Variants in HEPACAM2 observed in about 807,000 individuals in gnomAD.
HEPACAM2 encodes the protein mitotic kinetics regulator.
HEPACAM2 carries 49 observed loss-of-function variants against 49.6 expected under a neutral mutation model. The ratio of observed to expected loss-of-function variants is 0.99; its 90% CI spans 0.78 to 1.25. HEPACAM2 has a LOEUF of 1.25. HEPACAM2 is among the 50% of genes most tolerant of loss of function. HEPACAM2 has a pLI of 0.00. For missense variants in HEPACAM2, 525 were observed against 557.2 expected (o/e 0.94, Z 0.58); for synonymous variants, 197 against 202.9 (o/e 0.97, Z 0.25).
At chr7:93,213,773 C>T (rs1046246119) in intron 3 of HEPACAM2, among the ~76,000 whole-genome samples, 1 of 151,928 alleles carries the variant, frequency 6.6e-6, no homozygotes, top group East Asian at 1.9e-4. Context: ...GCTGAAGGAG[C>T]ACAATGAACC....
chr7:93,197,492 G>A lies in HEPACAM2; in HGVS notation c.1131C>T (p.Pro377=), dbSNP rs912429130. ...TTTGTAATTTTAACCTACCTTTGTA[G>A]GGTTGATATTTTTTCCATAGGAAGA... ...CLLFLWKKYQ[P]YKVIKQKLEG... The change falls in exon 5 of 10, where the codon CCC becomes CCT. Residue 377 remains proline, a synonymous_variant. Transcript: ENST00000394468. 2 of 1,591,644 alleles carry A rather than the reference G, an allele frequency of 1.3e-6. No homozygotes were observed. The highest frequency in any genetic ancestry group is 1.7e-5 in the Admixed American group (1 of 57,272).
chr7:93,208,079 C>T (rs1019591569), intron 4 of HEPACAM2, among the ~76,000 whole-genome samples: 2 of 151,894 alleles, frequency 1.3e-5, no homozygotes, highest in African/African-American at 2.4e-5. Context: ...TTTGTAATTT[C>T]CAAGGTGTTG....
Position 93,192,275 on chromosome 7 carries a change from G to C in HEPACAM2, c.1364C>G (p.Ala455Gly). Residue 455 changes from alanine (A) to glycine (G), a missense_variant, in exon 9 of 10, where the codon GCC becomes GGC. Ala to Gly is a moderately conservative substitution (Grantham distance 60, BLOSUM62 0). Coordinates refer to ENST00000394468, the MANE Select transcript of HEPACAM2 (RefSeq NM_001039372.4). ...TVYEVIQHIP[A>G]QQQDHPE The stretch of plus-strand genomic sequence containing the variant: ...TTACTCTGGATGGTCTTGCTGCTGG[G>C]CAGGGATGTGCTGAATAACTTCATA... 2 of 1,612,082 alleles carry C rather than the reference G, an allele frequency of 1.2e-6. No individual in the cohort carries two copies. The highest frequency in any genetic ancestry group is 1.7e-6 in the Non-Finnish European group (2 of 1,178,586).
At chr7:93,231,420 G>A (rs1794625835), upstream of HEPACAM2, among the ~76,000 whole-genome samples, 1 of 152,312 alleles carries the variant, frequency 6.6e-6, no homozygotes, top group South Asian at 2.1e-4. Context: ...TCTTAGGCAA[G>A]TTCCTTAATT....
chr7:93,215,256 T>A (rs1470921049), intron 3 of HEPACAM2, 145 bp downstream of exon 3: 19 of 676,768 alleles, frequency 2.8e-5, no homozygotes, highest in Non-Finnish European at 4.2e-5. Flanking sequence ...AGACAGTGCC[T>A]AGGAGGTGTG....
At chr7:93,190,245 T>C (rs1322448334) in intron 9 of HEPACAM2, among the ~76,000 whole-genome samples, 1 of 152,022 alleles carries the variant, frequency 6.6e-6, no homozygotes, top group Non-Finnish European at 1.5e-5. Flanking sequence ...TAAATCTGAA[T>C]TCAAATAAAA....
intron 2 of HEPACAM2, among the ~76,000 whole-genome samples, 170 bp from the exon 3 acceptor site, chr7:93,215,855 G>T (rs1348750736): frequency 6.6e-6 from 1 of 152,106 alleles, no homozygotes; most frequent in East Asian, 1.9e-4. Flanking sequence ...AAAAGCCAGG[G>T]AAAATGCAAA....
chr7:93,194,667 A>C (rs1057065112), intron 8 of HEPACAM2, among the ~76,000 whole-genome samples: 13 of 152,084 alleles, frequency 8.5e-5, no homozygotes, highest in Non-Finnish European at 1.8e-4. Context: ...AACCTTATAC[A>C]CTGATAGAAT....
intron 3 of HEPACAM2, among the ~76,000 whole-genome samples, chr7:93,209,367 AGT>A (rs1447725210): frequency 6.6e-6 from 1 of 152,034 alleles, no homozygotes; most frequent in South Asian, 2.1e-4. Context: ...ACATGTATAC[AGT>A]GTGTAATGAT....
chr7:93,189,096 C>T lies in HEPACAM2; in HGVS notation c.*171G>A, dbSNP rs560342689. 3.4e-4 allele frequency: 180 copies of T among 526,080 alleles called. No individual in the cohort carries two copies. The highest frequency in any genetic ancestry group is 5.6e-4 in the Non-Finnish European group (166 of 297,740). 32.6% of individuals were successfully genotyped at this position (526,080 alleles called of 1,614,324 possible). A position where few individuals can be genotyped will look rare whatever the true frequency, so the allele number is the denominator to read the frequency against. On this transcript the variant is annotated 3_prime_UTR_variant, in exon 10 of 10. Coordinates refer to ENST00000394468, the MANE Select transcript of HEPACAM2 (RefSeq NM_001039372.4). ...AAGACATTGTGTATATGCTGAAAAA[C>T]CTGCAGTTCAATTTGCATAAATGCC...
intron 2 of HEPACAM2, among the ~76,000 whole-genome samples, chr7:93,218,572 G>T (rs1399251931): frequency 2.0e-5 from 3 of 152,104 alleles, no homozygotes; most frequent in Non-Finnish European, 4.4e-5. Context: ...CTTGGACATA[G>T]TATATTTTAC....
At chr7:93,225,065 T>A (rs1291893979) in intron 1 of HEPACAM2, among the ~76,000 whole-genome samples, 1 of 152,144 alleles carries the variant, frequency 6.6e-6, no homozygotes, top group Non-Finnish European at 1.5e-5. Flanking sequence ...ATTTTCCTAA[T>A]GTACATTTGT....
chr7:93,216,493 C>T (rs1233678932), intron 2 of HEPACAM2, among the ~76,000 whole-genome samples: 1 of 152,108 alleles, frequency 6.6e-6, no homozygotes, highest in Non-Finnish European at 1.5e-5. Context: ...AGCAAATTTC[C>T]AAAAATGAGT....
At chr7:93,228,660 C>G (rs1366416757), upstream of HEPACAM2, among the ~76,000 whole-genome samples, 2 of 152,018 alleles carry the variant, frequency 1.3e-5, no homozygotes, top group African/African-American at 4.8e-5. Flanking sequence ...TCATTCCAGT[C>G]AGGAAAAAAG....
the HEPACAM2 span, among the ~76,000 whole-genome samples, chr7:93,232,093 G>T: frequency 7.9e-5 from 12 of 152,126 alleles, no homozygotes; most frequent in East Asian, 1.9e-4. Flanking sequence ...TTGATCTTTC[G>T]CTCAACGCCT....
chr7:93,224,063 C>T (rs1182043398), intron 1 of HEPACAM2, among the ~76,000 whole-genome samples: 1 of 152,000 alleles, frequency 6.6e-6, no homozygotes, highest in Admixed American at 6.6e-5. Flanking sequence ...TATGAGAAAA[C>T]CCAAAGGACT....
In HEPACAM2 at chr7:93,208,685, A is replaced by G; in HGVS notation, c.907T>C (p.Ser303Pro). Residue 303 changes from serine (S) to proline (P), a missense_variant, in exon 4 of 10, where the codon TCT becomes CCT. Transcript: ENST00000394468. ...IKHGPRLEVASEKVAQKTMDY... is the reference protein window; with the variant it reads ...IKHGPRLEVAPEKVAQKTMDY... ...ATTGTCTTCTGGGCTACTTTCTCAG[A>G]TGCAACTTCTAAGCGAGGCCCATGC... 6.2e-7 allele frequency: 1 copy of G among 1,613,242 alleles called. No individual in the cohort carries two copies. Among genetic ancestry groups the G allele is most frequent in the Non-Finnish European group, 8.5e-7 (1 of 1,179,474 alleles).
intron 4 of HEPACAM2, among the ~76,000 whole-genome samples, chr7:93,202,019 C>CA (rs200583953): frequency 0.11 from 3,069 of 28,298 alleles, 57 homozygotes; most frequent in African/African-American, 0.17. Context: ...GATAAAAAAG[C>CA]AAAAAAAAAA....
intron 2 of HEPACAM2, among the ~76,000 whole-genome samples, chr7:93,217,097 T>C (rs1253156173): frequency 2.6e-5 from 4 of 152,298 alleles, no homozygotes; most frequent in Non-Finnish European, 5.9e-5. Context: ...TCATCTTCCC[T>C]GGCAAGAACA....
Sources: allele counts gnomAD v4.1 joint callset (sites outside exome capture counted in the v4.1 genomes callset), GRCh38; gene constraint gnomAD v4.1.1; transcripts MANE v1.5; gene names NCBI Gene and HGNC (gene_info 2026-07-23, HGNC 2026-07-21).